The following AGRN variants were observed in gnomAD, a reference collection of about 807,000 sequenced individuals.
AGRN encodes agrin proteoglycan.
Under a neutral mutation model 211.0 loss-of-function variants are expected in AGRN, and 106 were observed. The observed-to-expected ratio is 0.50, with a 90% CI of 0.43 to 0.59. The LOEUF (loss-of-function observed/expected upper bound fraction) is 0.59, where lower values mean the gene tolerates loss of function less well. AGRN is among the 20% of genes least tolerant of loss of function. The pLI is 0.00. For missense variants in AGRN, 3,040 were observed against 2,982.6 expected (o/e 1.02, Z -0.45); for synonymous variants, 1,525 against 1,332.5 (o/e 1.14, Z -3.15).
chr1:1,035,180 G>A, intron 2 of AGRN, 97 bp from the exon 3 acceptor site: 7 of 1,183,486 alleles, frequency 5.9e-6, no homozygotes, highest in South Asian at 1.2e-5. Context: ...GGGGGGGGGG[G>A]GGTGGGCAGG....
rs776015069 is a variant in AGRN, at chr1:1,049,458, C to G, written c.4514+7C>G. 1.2e-6 allele frequency: 2 copies of G among 1,600,270 alleles called. No homozygotes were observed. The highest frequency in any genetic ancestry group is 1.7e-6 in the Non-Finnish European group (2 of 1,179,646). ...CCGAGGACCAGGCTGCCGTGTGAGT[C>G]CCTTGGAGGGTGGTGTGGCCCCGAC... On this transcript the variant is annotated splice_region_variant and intron_variant, in intron 25 of 35. Transcript: ENST00000379370.
intron 24 of AGRN, 66 bp downstream of exon 24, chr1:1,049,125 GGGGCC>G (rs1281053731): frequency 1.7e-5 from 14 of 803,506 alleles, no homozygotes; most frequent in Middle Eastern, 4.1e-4. Flanking sequence ...CGGGGGAGGG[GGGGCC>G]GGGGCAGCTC....
At chr1:1,022,599 C>CTGTGGTCTGACTG in intron 2 of AGRN, 137 bp downstream of exon 2, 4 of 808,144 alleles carry the variant, frequency 4.9e-6, no homozygotes, top group East Asian at 2.7e-5. Flanking sequence ...GTGGTCCAAC[C>CTGTGGTCTGACTG]TCATTCTCTG....
chr1:1,047,584 C>T lies in AGRN; in HGVS notation c.3528C>T (p.Leu1176=), dbSNP rs376954854. ...ARSIESTLDD[L]FRNSDVKKDF... Reference sequence around the variant, plus strand: ...ACTCCCTGCCACAGCTGGACGACCTCTTCCGGAATTCAGACGTCAAGAAGG... The same window carrying T: ...ACTCCCTGCCACAGCTGGACGACCTTTTCCGGAATTCAGACGTCAAGAAGG... The change falls in exon 21 of 36, where the codon CTC becomes CTT. Residue 1176 remains leucine, a synonymous_variant. Coordinates refer to ENST00000379370, the MANE Select transcript of AGRN (RefSeq NM_198576.4). 9.3e-6 allele frequency: 15 copies of T among 1,612,850 alleles called. No homozygotes were observed. The highest frequency in any genetic ancestry group is 1.6e-4 in the Middle Eastern group (1 of 6,084).
intron 33 of AGRN, chr1:1,052,845 A>G (rs1645345915): frequency 6.5e-6 from 1 of 153,918 alleles, no homozygotes; most frequent in Non-Finnish European, 1.4e-5. Flanking sequence ...GTGTGTGTCC[A>G]TGGGTCCATG....
At chr1:1,024,448 T>C (rs1275681221) in intron 2 of AGRN, among the ~76,000 whole-genome samples, 1 of 151,830 alleles carries the variant, frequency 6.6e-6, no homozygotes, top group Non-Finnish European at 1.5e-5. Context: ...AGCTGACCTC[T>C]CCCCATCTGA....
Position 1,054,439 on chromosome 1 carries a change from C to T in AGRN, c.5877-9C>T, listed in dbSNP as rs759458335. The T allele has an allele frequency of 1.3e-6, 2 of 1,569,906 alleles. No homozygotes were observed. The highest frequency in any genetic ancestry group is 1.2e-5 in the South Asian group (1 of 85,644). On this transcript the variant is annotated splice_polypyrimidine_tract_variant and intron_variant, in intron 34 of 35. Coordinates refer to ENST00000379370, the MANE Select transcript of AGRN (RefSeq NM_198576.4). ...GGCCCTGATGGTCTCCCCCTCCCTG[C>T]ACACCCAGGGAGCAGAGGGAAGGTT...
intron 27 of AGRN, 74 bp from the exon 28 acceptor site, chr1:1,050,159 A>G: frequency 1.9e-6 from 3 of 1,597,048 alleles, no homozygotes; most frequent in Non-Finnish European, 2.6e-6. Context: ...TTGAGTTAGG[A>G]TCCACACACG....
At chr1:1,025,984 T>G (rs541466154) in intron 2 of AGRN, among the ~76,000 whole-genome samples, 48 of 150,588 alleles carry the variant, frequency 3.2e-4, no homozygotes, top group East Asian at 3.9e-4. Context: ...TGCCTTGGCC[T>G]GGGGGGGGGC....
rs1477877933 is a variant in AGRN, at chr1:1,049,720, C to G, written c.4669C>G (p.Pro1557Ala). Residue 1557 changes from proline (P) to alanine (A), a missense_variant, in exon 26 of 36, where the codon CCC becomes GCC. Physicochemically the swap from Pro to Ala is conservative, Grantham distance 27. Coordinates refer to ENST00000379370, the MANE Select transcript of AGRN (RefSeq NM_198576.4). ...ECGDHPCLPN[P>A]CHGGAPCQNL... ...CGGGGACCACCCCTGCCTGCCCAACCCCTGCCATGGCGGGGCCCCATGCCA... is the reference window on the plus strand; with the variant it reads ...CGGGGACCACCCCTGCCTGCCCAACGCCTGCCATGGCGGGGCCCCATGCCA... 6.3e-7 allele frequency: 1 copy of G among 1,583,860 alleles called. No individual in the cohort carries two copies. Among genetic ancestry groups the G allele is most frequent in the Admixed American group, 1.8e-5 (1 of 54,260 alleles).
intron 24 of AGRN, 37 bp downstream of exon 24, chr1:1,049,096 T>A: frequency 1.8e-6 from 1 of 555,270 alleles, no homozygotes; most frequent in Non-Finnish European, 2.7e-6. Flanking sequence ...GCAGCTCAGG[T>A]GGGCGGGGAG....
intron 3 of AGRN, among the ~76,000 whole-genome samples, chr1:1,035,558 A>G (rs536697198): frequency 6.6e-6 from 1 of 152,354 alleles, no homozygotes; most frequent in South Asian, 2.1e-4. Context: ...TCTGGGCCTC[A>G]GCCCCCTCAG....
At position 1,048,698 on chromosome 1, in the gene AGRN, C is replaced by T. The variant is rs560375847; in HGVS notation, c.4106-169C>T. The stretch of plus-strand genomic sequence containing the variant: ...AGGAGAATCGCTTGAACCTGGCAGG[C>T]GGAGGTTGCGGTGAGCCAGGATCGC... On this transcript the variant is annotated intron_variant, in intron 23 of 35. Transcript: ENST00000379370. The surrounding 1 kb of genome is among the most constrained non-coding windows in gnomAD (Gnocchi z 5.9). 28 of 782,992 alleles carry T rather than the reference C, an allele frequency of 3.6e-5. No individual in the cohort carries two copies. In the South Asian group the frequency reaches 4.8e-4, roughly 13 times the overall value. The allele number at this position is 782,992 out of a possible 1,614,324, so 48.5% of individuals were successfully genotyped here.
In AGRN at chr1:1,031,467, C is replaced by T. The variant is rs886795741; in HGVS notation, c.464-3810C>T. 1.3e-5 allele frequency among the ~76,000 whole-genome samples: 2 copies of T among 152,156 alleles called. No individual in the cohort carries two copies. Among genetic ancestry groups the T allele is most frequent in the African/African-American group, 4.8e-5 (2 of 41,430 alleles). On this transcript the variant is annotated intron_variant, in intron 2 of 35. Transcript: ENST00000379370. The surrounding 1 kb of genome is among the most constrained non-coding windows in gnomAD (Gnocchi z 4.8). ...CTGGCTGGGCCTGGGGCCTCAATGG[C>T]CCTTTGTCTTTCTGAAGGCATCTGG...
chr1:1,052,170 C>T, intron 33 of AGRN: 1 of 967,754 alleles, frequency 1.0e-6, no homozygotes, highest in South Asian at 1.5e-5. Context: ...CCGTTTCCTG[C>T]CTCAGAAGTG....
Position 1,048,224 on chromosome 1 carries a change from C to T in AGRN, c.3964C>T (p.Arg1322Trp), listed in dbSNP as rs184970403. ...TGCCCCCAGCCGTGTGCCCGGACGTCGGCCCCCGGCCCCCCAGCAGCCTCC... is the reference window on the plus strand; with the variant it reads ...TGCCCCCAGCCGTGTGCCCGGACGTTGGCCCCCGGCCCCCCAGCAGCCTCC... ...TTAPSRVPGR[R>W]PPAPQQPPKP... is the part of the protein sequence containing the mutation. Residue 1322 changes from arginine to tryptophan, a missense_variant, in exon 23 of 36, where the codon CGG (arginine) becomes TGG (tryptophan). Coordinates refer to ENST00000379370, the MANE Select transcript of AGRN (RefSeq NM_198576.4). This position sits in a 1 kb window ranked among gnomAD's most constrained non-coding sequence, Gnocchi z 5.9. The T allele has an allele frequency of 1.5e-3, 2,246 of 1,545,014 alleles. 19 individuals carry two copies. The African/African-American group carries it at 0.027, about 18-fold the overall frequency.
intron 3 of AGRN, among the ~76,000 whole-genome samples, chr1:1,039,108 A>G (rs1644867370): frequency 6.6e-6 from 1 of 152,244 alleles, no homozygotes; most frequent in Admixed American, 6.5e-5. Context: ...ACTGAGGCCC[A>G]GGCAGGTGAT....
intron 33 of AGRN, chr1:1,052,031 G>T: frequency 6.6e-7 from 1 of 1,515,440 alleles, no homozygotes; most frequent in African/African-American, 1.4e-5. Flanking sequence ...GTAGAGCTCG[G>T]CGCCCCCCGC....
At chr1:1,054,603 C>T (rs934694635) in intron 35 of AGRN, 52 bp downstream of exon 35, 22 of 1,544,680 alleles carry the variant, frequency 1.4e-5, no homozygotes, top group African/African-American at 5.5e-5. Flanking sequence ...TCATGATATC[C>T]GAGGGACAGA....
Sources: gnomAD v4.1 joint callset for allele counts (sites outside exome capture counted in the v4.1 genomes callset) on GRCh38, gnomAD v4.1.1 for gene constraint, Gnocchi (gnomAD v3.1) non-coding constraint, MANE v1.5 for transcripts, NCBI Gene and HGNC (gene_info 2026-07-23, HGNC 2026-07-21) for gene names.